Variants in GABRG3 observed in about 807,000 individuals in gnomAD.
GABRG3 encodes gamma-aminobutyric acid type A receptor subunit gamma3.
In GABRG3, 25 loss-of-function variants were observed where a neutral mutation model predicts 48.8. That is an observed-to-expected ratio of 0.51 (90% CI 0.37 to 0.72). The LOEUF (loss-of-function observed/expected upper bound fraction) is 0.72, where lower values mean the gene tolerates loss of function less well. Ranked by LOEUF, GABRG3 falls within the 30% of genes least tolerant of loss-of-function variation. GABRG3 has a pLI of 0.00. For missense variants in GABRG3, 394 were observed against 577.9 expected (o/e 0.68, Z 3.26); for synonymous variants, 227 against 217.6 (o/e 1.04, Z -0.38).
intron 5 of GABRG3, among the ~76,000 whole-genome samples, chr15:27,441,916 G>C (rs2140633494): frequency 6.6e-6 from 1 of 152,342 alleles, no homozygotes; most frequent in South Asian, 2.1e-4. Context: ...CGCACCAGCT[G>C]TGAATGTTGG....
In GABRG3 at chr15:27,049,328, G is replaced by T. The variant is rs142764503; in HGVS notation, c.270+22507G>T. Among the ~76,000 whole-genome samples the T allele has an allele frequency of 5.2e-4, 79 of 152,342 alleles. 3 individuals carry two copies. The East Asian group carries it at 0.014, about 26-fold the overall frequency. On this transcript the variant is annotated intron_variant, in intron 3 of 9. Transcript: ENST00000615808. ...ACAGACTACAGTCGCACAAATCAGA[G>T]CTTCATTTATTTAAACCCTCATATG...
At chr15:27,058,287 C>A (rs1896586381) in intron 3 of GABRG3, among the ~76,000 whole-genome samples, 1 of 152,214 alleles carries the variant, frequency 6.6e-6, no homozygotes, top group Non-Finnish European at 1.5e-5. Context: ...ATGATAGGGA[C>A]AAGAGTCCAC....
intron 3 of GABRG3, among the ~76,000 whole-genome samples, chr15:27,100,679 A>G (rs1307848407): frequency 6.6e-6 from 1 of 152,232 alleles, no homozygotes; most frequent in African/African-American, 2.4e-5. Flanking sequence ...AGCTTTCAAA[A>G]TCAATCTGTG....
At chr15:27,024,374 T>C (rs1275415643) in intron 2 of GABRG3, among the ~76,000 whole-genome samples, 1 of 152,230 alleles carries the variant, frequency 6.6e-6, no homozygotes, top group Non-Finnish European at 1.5e-5. Context: ...AAGAGATTGT[T>C]GTTAAATCCA....
chr15:27,351,297 G>T, intron 5 of GABRG3, among the ~76,000 whole-genome samples: 1 of 147,682 alleles, frequency 6.8e-6, no homozygotes, highest in Middle Eastern at 3.8e-3. Flanking sequence ...TGTGTATGGT[G>T]TGTTTGTGTG....
At chr15:27,328,488 A>G (rs1024065712) in intron 4 of GABRG3, among the ~76,000 whole-genome samples, 2 of 152,272 alleles carry the variant, frequency 1.3e-5, no homozygotes, top group African/African-American at 4.8e-5. Context: ...GATTTAATTC[A>G]AACAGATTGA....
At chr15:27,504,900 G>C (rs1331918953) in intron 6 of GABRG3, among the ~76,000 whole-genome samples, 1 of 152,146 alleles carries the variant, frequency 6.6e-6, no homozygotes, top group African/African-American at 2.4e-5. Context: ...TGATTTACAA[G>C]AGAATTTATT....
intron 5 of GABRG3, among the ~76,000 whole-genome samples, chr15:27,451,200 A>G (rs1280069109): frequency 1.3e-5 from 2 of 152,190 alleles, no homozygotes; most frequent in East Asian, 1.9e-4. Flanking sequence ...TAAAACTTAT[A>G]TGGAACCACA....
At chr15:27,404,769 G>A (rs145037470) in intron 5 of GABRG3, among the ~76,000 whole-genome samples, 7 of 152,318 alleles carry the variant, frequency 4.6e-5, no homozygotes, top group Non-Finnish European at 8.8e-5. Context: ...CCACTGCCCA[G>A]CAAAGGCAAC....
At chr15:27,443,712 T>C (rs1409738709) in intron 5 of GABRG3, among the ~76,000 whole-genome samples, 1 of 152,218 alleles carries the variant, frequency 6.6e-6, no homozygotes, top group Non-Finnish European at 1.5e-5. Context: ...GAAGATATCC[T>C]TCTCTTATTC....
At chr15:27,028,665 G>A (rs2140684172) in intron 3 of GABRG3, among the ~76,000 whole-genome samples, 1 of 152,056 alleles carries the variant, frequency 6.6e-6, no homozygotes. Context: ...AATCAGCTGG[G>A]CATGGTGGCA....
chr15:26,993,149 A>G (rs1895277806), intron 2 of GABRG3, among the ~76,000 whole-genome samples: 1 of 151,940 alleles, frequency 6.6e-6, no homozygotes, highest in South Asian at 2.1e-4. Context: ...TATCTTTTCA[A>G]AAAAACCAAC....
At chr15:27,350,520 CA>C in intron 5 of GABRG3, 1 of 226,930 alleles carries the variant, frequency 4.4e-6, no homozygotes, top group Non-Finnish European at 9.0e-6. Flanking sequence ...GCAGGTAGGA[CA>C]GATGGCGAAG....
At chr15:26,984,137 T>C (rs1253840304) in intron 2 of GABRG3, among the ~76,000 whole-genome samples, 3 of 152,170 alleles carry the variant, frequency 2.0e-5, no homozygotes, top group Non-Finnish European at 4.4e-5. Context: ...AAGGCCTGTC[T>C]TGAGGATAAT....
intron 3 of GABRG3, among the ~76,000 whole-genome samples, chr15:27,036,088 A>G (rs576471881): frequency 6.6e-6 from 1 of 152,374 alleles, no homozygotes; most frequent in Admixed American, 6.5e-5. Context: ...CGGAATTAAT[A>G]AAGCTGTGGT....
At chr15:27,041,566 C>T (rs1448737344) in intron 3 of GABRG3, among the ~76,000 whole-genome samples, 1 of 152,212 alleles carries the variant, frequency 6.6e-6, no homozygotes, top group South Asian at 2.1e-4. Flanking sequence ...GTAAATACTT[C>T]TCACTCAGTA....
chr15:27,441,913 G>A (rs907952337), intron 5 of GABRG3, among the ~76,000 whole-genome samples: 3 of 152,178 alleles, frequency 2.0e-5, no homozygotes, highest in Non-Finnish European at 4.4e-5. Context: ...ACTCGCACCA[G>A]CTGTGAATGT....
chr15:27,090,661 A>G (rs769311966), intron 3 of GABRG3, among the ~76,000 whole-genome samples: 1 of 152,120 alleles, frequency 6.6e-6, no homozygotes, highest in Non-Finnish European at 1.5e-5. Flanking sequence ...TTTGTGTTTT[A>G]AAAAAATGTT....
intron 3 of GABRG3, among the ~76,000 whole-genome samples, chr15:27,253,914 T>C (rs1336838479): frequency 6.6e-6 from 1 of 152,248 alleles, no homozygotes; most frequent in Non-Finnish European, 1.5e-5. Flanking sequence ...GACTGGCTGG[T>C]GATATTTTAA....
Sources: gnomAD v4.1 joint callset for allele counts (sites outside exome capture counted in the v4.1 genomes callset) on GRCh38, gnomAD v4.1.1 for gene constraint, MANE v1.5 for transcripts, NCBI Gene and HGNC (gene_info 2026-07-23, HGNC 2026-07-21) for gene names.